SLF1: variants seen among roughly 807,000 people sequenced by gnomAD.
The protein encoded by SLF1 is SMC5-SMC6 complex localization factor protein 1.
In SLF1, 105 loss-of-function variants were observed where a neutral mutation model predicts 123.0. The ratio of observed to expected loss-of-function variants is 0.85; its 90% CI spans 0.73 to 1.00. The LOEUF is 1.00. Among genes scored for constraint, SLF1 ranks in the 50% least tolerant of loss-of-function variants. The pLI is 0.00. For synonymous variants in SLF1, 434 were observed against 406.6 expected, an observed-to-expected ratio of 1.07 and a Z score of -0.81; for missense variants, 1,239 against 1,223.0, an observed-to-expected ratio of 1.01 and a Z score of -0.20.
chr5:94,636,252 A>G (rs913596979), intron 4 of SLF1, among the ~76,000 whole-genome samples: 2 of 152,232 alleles, frequency 1.3e-5, no homozygotes. Context: ...ATTATTATAT[A>G]CCTTGGTATA....
intron 19 of SLF1, 28 bp from the exon 20 acceptor site, chr5:94,692,046 T>G: frequency 6.2e-7 from 1 of 1,609,388 alleles, no homozygotes; most frequent in Non-Finnish European, 8.5e-7. Context: ...TTCTGCTGTT[T>G]TAAAACTTGC....
intron 4 of SLF1, among the ~76,000 whole-genome samples, chr5:94,634,462 G>A (rs2152468966): frequency 6.6e-6 from 1 of 152,242 alleles, no homozygotes; most frequent in Non-Finnish European, 1.5e-5. Flanking sequence ...TGTTCACTTA[G>A]CATAATGTCC....
chr5:94,662,858 G>A (rs1749293927), intron 10 of SLF1, among the ~76,000 whole-genome samples: 1 of 152,138 alleles, frequency 6.6e-6, no homozygotes, highest in African/African-American at 2.4e-5. Context: ...TTAATTCCAT[G>A]TAGTCTTTTA....
chr5:94,675,298 GA>G (rs1750921104), intron 14 of SLF1, among the ~76,000 whole-genome samples: 3 of 152,248 alleles, frequency 2.0e-5, no homozygotes, highest in Admixed American at 2.0e-4. Context: ...TATTAGAAAG[GA>G]ATTCTAAGGT....
chr5:94,657,067 A>G (rs997435487), intron 9 of SLF1, among the ~76,000 whole-genome samples: 5 of 150,062 alleles, frequency 3.3e-5, no homozygotes, highest in Non-Finnish European at 7.4e-5. Flanking sequence ...ATAGATCTTT[A>G]TTATTTCCTT....
chr5:94,684,421 A>G (rs1472709438), intron 15 of SLF1, among the ~76,000 whole-genome samples: 1 of 152,168 alleles, frequency 6.6e-6, no homozygotes, highest in Non-Finnish European at 1.5e-5. Context: ...TATCTCGGCC[A>G]GGTGCGGTGG....
chr5:94,646,955 A>G (rs926980220), intron 5 of SLF1, among the ~76,000 whole-genome samples: 1 of 152,176 alleles, frequency 6.6e-6, no homozygotes, highest in Non-Finnish European at 1.5e-5. Flanking sequence ...CCTCATGTTC[A>G]TGTGTGGTAT....
In SLF1 at chr5:94,686,666, G is replaced by A; in HGVS notation, c.2069G>A (p.Cys690Tyr). 1 of 1,614,034 alleles carries A rather than the reference G, an allele frequency of 6.2e-7. No individual in the cohort carries two copies. Residue 690 changes from cysteine to tyrosine, a missense_variant, in exon 16 of 21, where the codon TGT becomes TAT. Cys to Tyr is a radical substitution (Grantham distance 194, BLOSUM62 -2). Coordinates refer to ENST00000265140, the MANE Select transcript of SLF1 (RefSeq NM_032290.4). ...GCAGAGGCAGTCTTTAAAAAGTTGT[G>A]TCTACAGAGCTCTGGCAGTGTTTCT... is the stretch of plus-strand genomic sequence containing the variant. ...FVAEAVFKKLCLQSSGSVSSE... is the reference protein window; with the variant it reads ...FVAEAVFKKLYLQSSGSVSSE...
intron 15 of SLF1, among the ~76,000 whole-genome samples, chr5:94,685,766 C>T (rs566311497): frequency 4.7e-5 from 7 of 150,484 alleles, no homozygotes; most frequent in East Asian, 3.9e-4. Flanking sequence ...ACCTGGGAGG[C>T]GGAGGTTGCA....
intron 1 of SLF1, among the ~76,000 whole-genome samples, chr5:94,619,298 T>TA (rs1791398008): frequency 6.6e-6 from 1 of 151,372 alleles, no homozygotes; most frequent in Admixed American, 6.6e-5. Context: ...TTTTTTTTTT[T>TA]AAACTGCTAA....
chr5:94,663,622 G>C (rs907669082), intron 10 of SLF1, 128 bp from the exon 11 acceptor site: 2 of 852,438 alleles, frequency 2.3e-6, no homozygotes, highest in South Asian at 4.1e-5. Flanking sequence ...TCCAGCCTGG[G>C]TAACAGAGTG....
intron 9 of SLF1, among the ~76,000 whole-genome samples, chr5:94,661,212 G>T (rs1400586504): frequency 6.6e-6 from 1 of 152,184 alleles, no homozygotes; most frequent in Non-Finnish European, 1.5e-5. Context: ...GGCCAGTGAG[G>T]ACTAAGGGGC....
At chr5:94,636,420 C>A (rs1224632281) in intron 4 of SLF1, among the ~76,000 whole-genome samples, 1 of 152,036 alleles carries the variant, frequency 6.6e-6, no homozygotes, top group East Asian at 1.9e-4. Flanking sequence ...GTTATTAGGT[C>A]TCATAATTCC....
chr5:94,630,979 T>C (rs1301538757), intron 4 of SLF1, among the ~76,000 whole-genome samples: 1 of 151,002 alleles, frequency 6.6e-6, no homozygotes, highest in Non-Finnish European at 1.5e-5. Flanking sequence ...TTCCATGTTA[T>C]TCCTTTTGGC....
At chr5:94,622,860 G>T (rs1791917343) in intron 1 of SLF1, among the ~76,000 whole-genome samples, 1 of 151,990 alleles carries the variant, frequency 6.6e-6, no homozygotes, top group African/African-American at 2.4e-5. Flanking sequence ...ATATAATGTA[G>T]AGTAGGGAAA....
At chr5:94,638,956 ATT>A (rs1746122619) in intron 4 of SLF1, among the ~76,000 whole-genome samples, 1 of 149,824 alleles carries the variant, frequency 6.7e-6, no homozygotes, top group South Asian at 2.1e-4. Flanking sequence ...TGTTGAGGAC[ATT>A]TACATTTAAT....
chr5:94,666,178 A>G (rs561004456), intron 12 of SLF1, among the ~76,000 whole-genome samples, 154 bp downstream of exon 12: 58 of 152,364 alleles, frequency 3.8e-4, no homozygotes, highest in African/African-American at 1.3e-3. Context: ...AAAACTTATG[A>G]AAAGGCAAAT....
chr5:94,623,542 G>A (rs1791978974), intron 1 of SLF1, among the ~76,000 whole-genome samples: 1 of 151,302 alleles, frequency 6.6e-6, no homozygotes, highest in Admixed American at 6.6e-5. Context: ...ATGCTCCAAG[G>A]AACACCCCCT....
At chr5:94,637,185 C>T (rs547668639) in intron 4 of SLF1, among the ~76,000 whole-genome samples, 47 of 152,260 alleles carry the variant, frequency 3.1e-4, no homozygotes, top group Admixed American at 1.6e-3. Flanking sequence ...GAGACAGCCA[C>T]GTCTTCCAGG....
Sources: allele counts gnomAD v4.1 joint callset (sites outside exome capture counted in the v4.1 genomes callset), GRCh38; gene constraint gnomAD v4.1.1; transcripts MANE v1.5; gene names NCBI Gene and HGNC (gene_info 2026-07-23, HGNC 2026-07-21).